The following VGLL4 variants were observed in gnomAD, a reference collection of about 807,000 sequenced individuals.
VGLL4 encodes the protein transcription cofactor vestigial-like protein 4.
VGLL4 carries 7 observed loss-of-function variants against 21.0 expected under a neutral mutation model. The observed-to-expected ratio is 0.33, with a 90% CI of 0.19 to 0.63. VGLL4 has a LOEUF of 0.63. Among genes scored for constraint, VGLL4 ranks in the 20% least tolerant of loss-of-function variants. The pLI, the probability that VGLL4 is intolerant of heterozygous loss-of-function variation, is 0.78. For missense variants in VGLL4, 394 were observed against 425.7 expected (o/e 0.93, Z 0.66); for synonymous variants, 222 against 173.2 (o/e 1.28, Z -2.21).
upstream of VGLL4, among the ~76,000 whole-genome samples, chr3:11,646,385 A>G (rs1239264701): frequency 2.0e-5 from 3 of 152,184 alleles, no homozygotes; most frequent in African/African-American, 7.2e-5. Flanking sequence ...ATTGTCCCAC[A>G]TGGAAGAGAG....
intron 1 of VGLL4, among the ~76,000 whole-genome samples, chr3:11,711,396 C>T (rs748015479): frequency 3.9e-5 from 6 of 151,958 alleles, no homozygotes; most frequent in Non-Finnish European, 8.8e-5. Context: ...AACCCCATCT[C>T]GACTAAAAGT....
At chr3:11,664,919 A>G (rs2076094077) in intron 2 of VGLL4, among the ~76,000 whole-genome samples, 1 of 151,242 alleles carries the variant, frequency 6.6e-6, no homozygotes, top group Non-Finnish European at 1.5e-5. Flanking sequence ...AGGCATCCCA[A>G]TTTTCTTTTC....
At chr3:11,647,878 T>C (rs1169782475), upstream of VGLL4, among the ~76,000 whole-genome samples, 1 of 152,154 alleles carries the variant, frequency 6.6e-6, no homozygotes, top group Non-Finnish European at 1.5e-5. Flanking sequence ...TGGATTATCT[T>C]ACTCGATGTC....
intron 2 of VGLL4, among the ~76,000 whole-genome samples, chr3:11,665,792 G>A (rs1278060730): frequency 6.6e-6 from 1 of 152,224 alleles, no homozygotes; most frequent in Non-Finnish European, 1.5e-5. Context: ...CCCTCTTTTC[G>A]TGAGCTGCAC....
chr3:11,643,108 A>G (rs140786083), intron 1 of VGLL4, among the ~76,000 whole-genome samples: 314 of 152,344 alleles, frequency 2.1e-3, no homozygotes, highest in Admixed American at 5.2e-3. Context: ...GGCGTCCTAC[A>G]AGTCCTTCCC....
intron 1 of VGLL4, among the ~76,000 whole-genome samples, chr3:11,618,978 G>T (rs1190074269): frequency 6.6e-6 from 1 of 152,134 alleles, no homozygotes; most frequent in African/African-American, 2.4e-5. Context: ...GACTCCCTTT[G>T]GTATATTTAC....
At chr3:11,716,779 T>C (rs963985072) in intron 1 of VGLL4, among the ~76,000 whole-genome samples, 11 of 152,248 alleles carry the variant, frequency 7.2e-5, no homozygotes, top group Admixed American at 5.9e-4. Flanking sequence ...TGCAATCTAG[T>C]TCTTATGATA....
At chr3:11,675,393 A>T (rs1446033368) in intron 2 of VGLL4, among the ~76,000 whole-genome samples, 1 of 152,120 alleles carries the variant, frequency 6.6e-6, no homozygotes, top group Non-Finnish European at 1.5e-5. Context: ...AGGCCAGAAC[A>T]GGCATGAACT....
At chr3:11,668,143 C>A (rs1409716432) in intron 2 of VGLL4, among the ~76,000 whole-genome samples, 1 of 151,922 alleles carries the variant, frequency 6.6e-6, no homozygotes, top group Admixed American at 6.6e-5. Flanking sequence ...ATGTGAGCCA[C>A]AAATCCAGCC....
chr3:11,696,012 G>A (rs562685792), intron 2 of VGLL4, among the ~76,000 whole-genome samples: 24 of 152,264 alleles, frequency 1.6e-4, no homozygotes, highest in African/African-American at 4.3e-4. Context: ...AGGAGTCCTC[G>A]AAATACATAG....
intron 3 of VGLL4, among the ~76,000 whole-genome samples, chr3:11,562,348 C>T (rs2073097775): frequency 6.6e-6 from 1 of 152,186 alleles, no homozygotes; most frequent in Non-Finnish European, 1.5e-5. Context: ...CCTCTGGGAA[C>T]TTTCCTGTCC....
intron 1 of VGLL4, among the ~76,000 whole-genome samples, chr3:11,634,386 C>T (rs1251772610): frequency 6.6e-6 from 1 of 152,180 alleles, no homozygotes; most frequent in African/African-American, 2.4e-5. Flanking sequence ...CTAAGGATCT[C>T]ATACGTCTAT....
chr3:11,665,635 G>A (rs113577005), intron 2 of VGLL4, among the ~76,000 whole-genome samples: 37 of 152,332 alleles, frequency 2.4e-4, no homozygotes, highest in East Asian at 3.9e-4. Context: ...GCCTGAAGGC[G>A]CCTGACAAAG....
At chr3:11,643,299 A>T in intron 1 of VGLL4, 138 bp downstream of exon 1, 1 of 1,346,416 alleles carries the variant, frequency 7.4e-7, no homozygotes, top group Non-Finnish European at 1.0e-6. Flanking sequence ...TGCCGAACCG[A>T]ACCTAAGAAA....
chr3:11,607,788 A>G (rs1396445426), intron 1 of VGLL4, among the ~76,000 whole-genome samples: 1 of 152,214 alleles, frequency 6.6e-6, no homozygotes, highest in Non-Finnish European at 1.5e-5. Flanking sequence ...ATCTCCCTAG[A>G]ATATTAAAGT....
At chr3:11,717,286 T>C (rs1335516834) in intron 1 of VGLL4, among the ~76,000 whole-genome samples, 1 of 151,994 alleles carries the variant, frequency 6.6e-6, no homozygotes, top group Non-Finnish European at 1.5e-5. Flanking sequence ...TGTTAGGTCA[T>C]GTTCAAAGTT....
At chr3:11,617,298 T>C (rs2075180255) in intron 1 of VGLL4, among the ~76,000 whole-genome samples, 1 of 152,104 alleles carries the variant, frequency 6.6e-6, no homozygotes, top group Non-Finnish European at 1.5e-5. Flanking sequence ...GAACAACGGG[T>C]TTGTTTCCTT....
intron 3 of VGLL4, among the ~76,000 whole-genome samples, chr3:11,560,334 A>G (rs2072869921): frequency 6.6e-6 from 1 of 152,242 alleles, no homozygotes; most frequent in Admixed American, 6.5e-5. Context: ...TTCCCCCAGG[A>G]AAAGTATCTT....
chr3:11,646,172 A>T (rs1298083426), upstream of VGLL4, among the ~76,000 whole-genome samples: 1 of 152,178 alleles, frequency 6.6e-6, no homozygotes, highest in African/African-American at 2.4e-5. Flanking sequence ...TATGTATCCT[A>T]TCAATTGTAA....
Sources: allele counts gnomAD v4.1 joint callset (sites outside exome capture counted in the v4.1 genomes callset), GRCh38; gene constraint gnomAD v4.1.1; transcripts MANE v1.5; gene names NCBI Gene and HGNC (gene_info 2026-07-23, HGNC 2026-07-21).